ZNF775: variants seen among roughly 807,000 people sequenced by gnomAD.
The protein encoded by ZNF775 is zinc finger protein 775.
Under a neutral mutation model 2.4 loss-of-function variants are expected in ZNF775, and 1 was observed. The observed-to-expected ratio is 0.41, with a 90% CI of 0.15 to 1.94. The LOEUF (loss-of-function observed/expected upper bound fraction) is 1.94. Ranked by LOEUF, ZNF775 falls within the 30% of genes most tolerant of loss-of-function variation. ZNF775 has a pLI of 0.30. For missense variants in ZNF775, 823 were observed against 826.6 expected (o/e 1.00, Z 0.05); for synonymous variants, 381 against 373.3 (o/e 1.02, Z -0.24).
rs1001278147 is a variant in ZNF775 at position 150,385,156 on chromosome 7, G to A, written c.-49-3266G>A. ...GGAGGAGCCCCCAGCACCCATCAGA[G>A]CCCCACCAGGGGCTCCTCCCGCCCC... On this transcript the variant is annotated intron_variant, in intron 1 of 2. Transcript: ENST00000329630. 2.0e-5 allele frequency among the ~76,000 whole-genome samples: 3 copies of A among 152,086 alleles called. No individual in the cohort carries two copies. In the South Asian group the frequency reaches 6.2e-4, roughly 32 times the overall value.
intron 2 of ZNF775, among the ~76,000 whole-genome samples, chr7:150,394,569 T>C (rs903202855): frequency 7.9e-5 from 12 of 152,328 alleles, no homozygotes; most frequent in African/African-American, 2.9e-4. Context: ...ATGTTCGCTG[T>C]AATTTCTAGA....
chr7:150,396,778 G>A lies in ZNF775; in HGVS notation c.297G>A (p.Ser99=). 1 of 1,593,454 alleles carries A rather than the reference G, an allele frequency of 6.3e-7. No individual in the cohort carries two copies. The change falls in exon 3 of 3, where the codon TCG becomes TCA. Residue 99 remains serine (S), a synonymous_variant. Coordinates refer to ENST00000329630, the MANE Select transcript of ZNF775 (RefSeq NM_173680.4). ...CAGCCTCCGGCCCCCTGAGCCCCTCGCTTTCCTCCGGCGAGGGTCACTTTG... is the reference window on the plus strand; with the variant it reads ...CAGCCTCCGGCCCCCTGAGCCCCTCACTTTCCTCCGGCGAGGGTCACTTTG... ...PGSASGPLSP[S]LSSGEGHFVC...
In ZNF775 at chr7:150,396,748, C is replaced by G; in HGVS notation, c.267C>G (p.Pro89=). ...EQDAGLAGRA[P]GSASGPLSPS... ...ATGCGGGGCTGGCAGGCCGGGCTCCCGGGTCAGCCTCCGGCCCCCTGAGCC... is the reference window on the plus strand; with the variant it reads ...ATGCGGGGCTGGCAGGCCGGGCTCCGGGGTCAGCCTCCGGCCCCCTGAGCC... The change falls in exon 3 of 3, where the codon CCC becomes CCG. Residue 89 remains proline, a synonymous_variant. Transcript: ENST00000329630. The G allele has an allele frequency of 6.3e-7, 1 of 1,588,588 alleles. No individual in the cohort carries two copies. The highest frequency in any genetic ancestry group is 8.6e-7 in the Non-Finnish European group (1 of 1,168,164).
In ZNF775 at chr7:150,382,542, G is replaced by A. The variant is rs141838414; in HGVS notation, c.-50+3150G>A. ...CCAGCCTCAGGCAGTGGGCTTCTAG[G>A]GGGAGACTAGGGCTGAGGAGCCAGC... On this transcript the variant is annotated intron_variant, in intron 1 of 2. Transcript: ENST00000329630. This position sits in a 1 kb window ranked among gnomAD's most constrained non-coding sequence, Gnocchi z 4.6. 7.2e-5 allele frequency among the ~76,000 whole-genome samples: 11 copies of A among 152,138 alleles called. No homozygotes were observed. The highest frequency in any genetic ancestry group is 2.2e-4 in the African/African-American group (9 of 41,432).
chr7:150,389,859 TTGTGTGTGTG>T (rs71196708), intron 2 of ZNF775, among the ~76,000 whole-genome samples: 2,515 of 138,750 alleles, frequency 0.018, 57 homozygotes, highest in South Asian at 0.032. Flanking sequence ...TAATTTTTAT[TTGTGTGTGTG>T]TGTGTGTGTG....
chr7:150,397,866 C>T lies in ZNF775; in HGVS notation c.1385C>T (p.Thr462Ile). The T allele has an allele frequency of 2.5e-6, 4 of 1,602,740 alleles. No homozygotes were observed. Among genetic ancestry groups the T allele is most frequent in the Non-Finnish European group, 3.4e-6 (4 of 1,178,290 alleles). The change falls in exon 3 of 3, where the codon ACC (threonine) becomes ATC (isoleucine). Residue 462 changes from threonine (T) to isoleucine (I), a missense_variant. Transcript: ENST00000329630. ...AGCTTCTCGTGGTGGTCGGCGCTCA[C>T]CATCCACCAGCGCATCCACACGGGT... is the stretch of plus-strand genomic sequence containing the variant. Reference protein sequence around the residue: ...GKSFSWWSALTIHQRIHTGER... With the variant: ...GKSFSWWSALIIHQRIHTGER...
At chr7:150,392,770 G>A (rs1009225654) in intron 2 of ZNF775, among the ~76,000 whole-genome samples, 12 of 152,284 alleles carry the variant, frequency 7.9e-5, no homozygotes, top group South Asian at 2.1e-4. Flanking sequence ...CTGCACTTAA[G>A]CAATCCTCCT....
rs1800529284 is a variant in ZNF775, at chr7:150,389,902, T to TTA, written c.31+1401_31+1402insTA. Among the ~76,000 whole-genome samples, 4 of 95,476 alleles carry TTA rather than the reference T, an allele frequency of 4.2e-5. No individual in the cohort carries two copies. The South Asian group carries it at 1.3e-3, about 31-fold the overall frequency. The allele number at this position is 95,476 out of a possible 152,430, so 62.6% of individuals were successfully genotyped here. Reference sequence around the variant, plus strand: ...GTGTGTGTGTGTGTGTGTGTGTGTGTGTGTGTGTGTGTGTGTGTTATGGCA... The same window carrying TTA: ...GTGTGTGTGTGTGTGTGTGTGTGTGTTAGTGTGTGTGTGTGTGTGTTATGGCA... On this transcript the variant is annotated intron_variant, in intron 2 of 2. Transcript: ENST00000329630.
chr7:150,391,099 C>T (rs546371769), intron 2 of ZNF775, among the ~76,000 whole-genome samples: 2 of 152,320 alleles, frequency 1.3e-5, no homozygotes, highest in African/African-American at 4.8e-5. Flanking sequence ...GTTTTATAGT[C>T]TGGATACTAA....
At chr7:150,385,405 G>A (rs1234561264) in intron 1 of ZNF775, among the ~76,000 whole-genome samples, 1 of 152,112 alleles carries the variant, frequency 6.6e-6, no homozygotes, top group Non-Finnish European at 1.5e-5. Context: ...CCGAGCAACT[G>A]CAAAGACGGG....
Position 150,396,834 on chromosome 7 carries a change from G to A in ZNF775, c.353G>A (p.Trp118Ter). 1 of 1,601,922 alleles carries A rather than the reference G, an allele frequency of 6.2e-7. No individual in the cohort carries two copies. The highest frequency in any genetic ancestry group is 8.5e-7 in the Non-Finnish European group (1 of 1,178,722). Residue 118 changes from tryptophan (W) to a stop codon, truncating the protein, a stop_gained, in exon 3 of 3, where the codon TGG becomes TAG. Transcript: ENST00000329630. LOFTEE classifies it low-confidence loss of function (END_TRUNC). ...VCLDCGKRFS[W>*]WSSLKIHQRT... ...CTGGACTGCGGGAAGAGGTTCAGCT[G>A]GTGGTCGTCCCTGAAGATCCACCAG...
At position 150,383,650 on chromosome 7, in the gene ZNF775, T is replaced by C. The variant is rs1393790693; in HGVS notation, c.-50+4258T>C. Among the ~76,000 whole-genome samples the C allele has an allele frequency of 2.6e-5, 4 of 152,288 alleles. No individual in the cohort carries two copies. The East Asian group carries it at 7.7e-4, about 29-fold the overall frequency. ...CTCCTATGGAAGACCAGCTGAGCTGTGCCCAGCAAGTGAGGACCTGCTGGG... is the reference window on the plus strand; with the variant it reads ...CTCCTATGGAAGACCAGCTGAGCTGCGCCCAGCAAGTGAGGACCTGCTGGG... On this transcript the variant is annotated intron_variant, in intron 1 of 2. Coordinates refer to ENST00000329630, the MANE Select transcript of ZNF775 (RefSeq NM_173680.4).
At chr7:150,393,640 T>G (rs1326696011) in intron 2 of ZNF775, among the ~76,000 whole-genome samples, 1 of 152,208 alleles carries the variant, frequency 6.6e-6, no homozygotes, top group African/African-American at 2.4e-5. Context: ...GCCAGTGATC[T>G]GGATTCTAGC....
At chr7:150,391,872 C>T (rs1192583090) in intron 2 of ZNF775, among the ~76,000 whole-genome samples, 3 of 151,938 alleles carry the variant, frequency 2.0e-5, no homozygotes, top group African/African-American at 4.8e-5. Context: ...CTACCACACC[C>T]GGCTAATTGT....
chr7:150,390,505 G>A lies in ZNF775; in HGVS notation c.31+2004G>A, dbSNP rs183848604. ...GTGTGACTCATCCTGGATCATGCCT[G>A]TGTGTATACATAGAGACATATGGTT... is the stretch of plus-strand genomic sequence containing the variant. On this transcript the variant is annotated intron_variant, in intron 2 of 2. Coordinates refer to ENST00000329630, the MANE Select transcript of ZNF775 (RefSeq NM_173680.4). Among the ~76,000 whole-genome samples, 3 of 152,288 alleles carry A rather than the reference G, an allele frequency of 2.0e-5. No individual in the cohort carries two copies. In the East Asian group the frequency reaches 5.8e-4, roughly 29 times the overall value.
intron 2 of ZNF775, among the ~76,000 whole-genome samples, chr7:150,389,237 G>GT (rs1800512901): frequency 6.6e-6 from 1 of 152,184 alleles, no homozygotes; most frequent in South Asian, 2.1e-4. Flanking sequence ...TGTGACTCGG[G>GT]TTTCTTTACC....
intron 2 of ZNF775, among the ~76,000 whole-genome samples, chr7:150,390,763 C>A (rs1344032165): frequency 1.3e-5 from 2 of 152,178 alleles, no homozygotes; most frequent in African/African-American, 4.8e-5. Context: ...CCTGGACATT[C>A]CTCTTTACAC....
intron 2 of ZNF775, among the ~76,000 whole-genome samples, chr7:150,392,773 A>T (rs966918800): frequency 4.6e-5 from 7 of 152,204 alleles, no homozygotes; most frequent in African/African-American, 1.7e-4. Flanking sequence ...CACTTAAGCA[A>T]TCCTCCTGCC....
In ZNF775 at chr7:150,388,406, C is replaced by T; in HGVS notation, c.-49-16C>T. On this transcript the variant is annotated splice_polypyrimidine_tract_variant and intron_variant, in intron 1 of 2. Transcript: ENST00000329630. ...CCACAGGCCCATTCTCTTTCTTCTG[C>T]TTCTCTTTCTGACAGATGGCAGGAA... 2 of 1,545,662 alleles carry T rather than the reference C, an allele frequency of 1.3e-6. No individual in the cohort carries two copies. Among genetic ancestry groups the T allele is most frequent in the South Asian group, 2.4e-5 (2 of 83,892 alleles).
Sources: gnomAD v4.1 joint callset for allele counts (sites outside exome capture counted in the v4.1 genomes callset) on GRCh38, gnomAD v4.1.1 for gene constraint, Gnocchi (gnomAD v3.1) non-coding constraint, MANE v1.5 for transcripts, NCBI Gene and HGNC (gene_info 2026-07-23, HGNC 2026-07-21) for gene names.